Variants in COLGALT2 observed in about 807,000 individuals in gnomAD.
COLGALT2 encodes procollagen galactosyltransferase 2.
In COLGALT2, 49 loss-of-function variants were observed where a neutral mutation model predicts 73.4. The ratio of observed to expected loss-of-function variants is 0.67; its 90% CI spans 0.53 to 0.85. The LOEUF is 0.85. COLGALT2 is among the 40% of genes least tolerant of loss of function. The pLI, the probability that COLGALT2 is intolerant of heterozygous loss-of-function variation, is 0.00. For synonymous variants in COLGALT2, 295 were observed against 307.6 expected, an observed-to-expected ratio of 0.96 and a Z score of 0.43; for missense variants, 722 against 790.2, an observed-to-expected ratio of 0.91 and a Z score of 1.03.
intron 3 of COLGALT2, 39 bp downstream of exon 3, chr1:183,975,058 G>T: frequency 7.0e-7 from 1 of 1,428,018 alleles, no homozygotes. Flanking sequence ...GGATACACCT[G>T]AGATGACAGT....
chr1:184,003,584 A>G (rs941640822), intron 1 of COLGALT2, among the ~76,000 whole-genome samples: 5 of 152,190 alleles, frequency 3.3e-5, no homozygotes, highest in Non-Finnish European at 7.3e-5. Flanking sequence ...TTCCAGGGAA[A>G]AGTCACCCCT....
intron 8 of COLGALT2, among the ~76,000 whole-genome samples, chr1:183,947,709 C>A (rs1055605808): frequency 5.9e-5 from 9 of 151,610 alleles, no homozygotes; most frequent in Non-Finnish European, 1.3e-4. Context: ...AAATTAAACC[C>A]AAAGCAAACA....
intron 4 of COLGALT2, among the ~76,000 whole-genome samples, chr1:183,972,700 T>G (rs1671075062): frequency 6.6e-6 from 1 of 151,992 alleles, no homozygotes; most frequent in Non-Finnish European, 1.5e-5. Flanking sequence ...TTGTACTTTT[T>G]TTTTTTTTTT....
At chr1:183,961,945 A>C (rs1477357407) in intron 6 of COLGALT2, among the ~76,000 whole-genome samples, 1 of 151,358 alleles carries the variant, frequency 6.6e-6, no homozygotes, top group Non-Finnish European at 1.5e-5. Context: ...TTATTTCATC[A>C]TTTCATCATC....
intron 5 of COLGALT2, 24 bp downstream of exon 5, chr1:183,969,245 A>C (rs1179949709): frequency 1.3e-6 from 2 of 1,587,004 alleles, no homozygotes. Flanking sequence ...CCATTGTGGC[A>C]CTACAACCAA....
intron 4 of COLGALT2, among the ~76,000 whole-genome samples, chr1:183,972,752 C>T (rs533923653): frequency 2.1e-3 from 317 of 151,008 alleles, no homozygotes; most frequent in East Asian, 5.5e-3. Flanking sequence ...CAGGCTGGAG[C>T]GCAGTGGCGC....
At chr1:183,967,912 C>A (rs1023846339) in intron 5 of COLGALT2, among the ~76,000 whole-genome samples, 2 of 152,220 alleles carry the variant, frequency 1.3e-5, no homozygotes, top group Non-Finnish European at 1.5e-5. Context: ...AAAATGCCTA[C>A]ACCTGGCCAA....
intron 4 of COLGALT2, among the ~76,000 whole-genome samples, chr1:183,971,664 T>C (rs1034214882): frequency 6.6e-6 from 1 of 152,234 alleles, no homozygotes; most frequent in African/African-American, 2.4e-5. Flanking sequence ...CAAAATCTCT[T>C]ACAGCTAGAA....
chr1:183,942,516 A>T (rs1670143060), intron 10 of COLGALT2, among the ~76,000 whole-genome samples: 1 of 152,194 alleles, frequency 6.6e-6, no homozygotes, highest in African/African-American at 2.4e-5. Flanking sequence ...TGTGGCTTGC[A>T]TTATATTTCT....
chr1:184,016,337 A>G (rs1411658633), intron 1 of COLGALT2, among the ~76,000 whole-genome samples: 1 of 152,214 alleles, frequency 6.6e-6, no homozygotes, highest in African/African-American at 2.4e-5. Flanking sequence ...TATTGTGGGA[A>G]ATAAATGTGG....
chr1:183,961,641 C>T (rs569202735), intron 6 of COLGALT2, among the ~76,000 whole-genome samples: 2 of 152,184 alleles, frequency 1.3e-5, no homozygotes, highest in South Asian at 2.1e-4. Context: ...CCTTCAAAAG[C>T]GACAGTGTCT....
At chr1:184,015,068 G>C (rs1426373483) in intron 1 of COLGALT2, among the ~76,000 whole-genome samples, 1 of 151,592 alleles carries the variant, frequency 6.6e-6, no homozygotes, top group Non-Finnish European at 1.5e-5. Flanking sequence ...CAGGAGGATG[G>C]ATCTGGGATT....
intron 2 of COLGALT2, among the ~76,000 whole-genome samples, chr1:183,976,535 T>C (rs551922427): frequency 1.2e-4 from 18 of 152,160 alleles, no homozygotes; most frequent in African/African-American, 4.3e-4. Context: ...ATTCTATTTC[T>C]ACAGTTCCTT....
intron 7 of COLGALT2, among the ~76,000 whole-genome samples, chr1:183,953,231 C>T (rs1267869015): frequency 6.6e-6 from 1 of 152,166 alleles, no homozygotes; most frequent in Non-Finnish European, 1.5e-5. Context: ...CCAGTGAGGT[C>T]ACAGAGTCCG....
chr1:184,010,618 T>C (rs1672209271), intron 1 of COLGALT2, among the ~76,000 whole-genome samples: 1 of 152,152 alleles, frequency 6.6e-6, no homozygotes, highest in South Asian at 2.1e-4. Flanking sequence ...AAGAATGAGG[T>C]ACACAGGCCT....
rs767679418 is a variant in COLGALT2, at chr1:183,963,920, A to T, written c.933T>A (p.His311Gln). ...TLQEDIENLI[H>Q]VQIEAMIDRP... ...ACTCACTCATTGCTTCAATCTGCAC[A>T]TGGATGAGGTTCTCGATGTCTTCCT... The change falls in exon 6 of 12, where the codon CAT (histidine) becomes CAA (glutamine). Residue 311 changes from histidine (H) to glutamine (Q), a missense_variant. His to Gln is a conservative substitution (Grantham distance 24, BLOSUM62 0). Transcript: ENST00000361927. 8.1e-6 allele frequency: 13 copies of T among 1,610,426 alleles called. No homozygotes were observed. The East Asian group carries it at 2.9e-4, about 36-fold the overall frequency.
At chr1:184,026,173 G>A (rs763586335) in intron 1 of COLGALT2, among the ~76,000 whole-genome samples, 2 of 152,030 alleles carry the variant, frequency 1.3e-5, no homozygotes, top group Non-Finnish European at 2.9e-5. Context: ...TGCACACTAG[G>A]GAAAAATGAA....
intron 10 of COLGALT2, 39 bp from the exon 11 acceptor site, chr1:183,940,826 C>T (rs773570331): frequency 6.5e-7 from 1 of 1,534,980 alleles, no homozygotes; most frequent in African/African-American, 1.4e-5. Context: ...TCCACCTTGA[C>T]TATTATGCCA....
intron 1 of COLGALT2, among the ~76,000 whole-genome samples, chr1:184,026,817 T>G (rs1012344541): frequency 3.3e-5 from 5 of 152,176 alleles, no homozygotes; most frequent in African/African-American, 9.7e-5. Flanking sequence ...CTGAAGTGGC[T>G]CAAATGAATT....
Sources: allele counts gnomAD v4.1 joint callset (sites outside exome capture counted in the v4.1 genomes callset), GRCh38; gene constraint gnomAD v4.1.1; transcripts MANE v1.5; gene names NCBI Gene and HGNC (gene_info 2026-07-23, HGNC 2026-07-21).